Variants in RGS7 observed in about 807,000 individuals in gnomAD.
RGS7 encodes the protein regulator of G protein signaling 7.
Under a neutral mutation model 81.1 loss-of-function variants are expected in RGS7, and 27 were observed. That is an observed-to-expected ratio of 0.33 (90% CI 0.25 to 0.46). The LOEUF (loss-of-function observed/expected upper bound fraction) is 0.46, where lower values mean the gene tolerates loss of function less well. Among genes scored for constraint, RGS7 ranks in the 20% least tolerant of loss-of-function variants. RGS7 has a pLI of 1.00. For missense variants in RGS7, 396 were observed against 607.4 expected (o/e 0.65, Z 3.66); for synonymous variants, 208 against 207.7 (o/e 1.00, Z -0.01).
intron 2 of RGS7, among the ~76,000 whole-genome samples, chr1:241,240,518 A>G (rs1270495369): frequency 2.6e-5 from 4 of 152,222 alleles, no homozygotes; most frequent in South Asian, 2.1e-4. Flanking sequence ...GTTAGATTAG[A>G]TCAAACTAGG....
intron 2 of RGS7, among the ~76,000 whole-genome samples, chr1:241,320,797 C>T (rs1167441533): frequency 1.3e-5 from 2 of 152,174 alleles, no homozygotes; most frequent in Non-Finnish European, 2.9e-5. Flanking sequence ...GAAGCATGCA[C>T]TTTCTGTAGC....
chr1:241,315,097 TCTTCTTCTTC>T (rs143366179), intron 2 of RGS7, among the ~76,000 whole-genome samples: 2 of 133,484 alleles, frequency 1.5e-5, no homozygotes, highest in Non-Finnish European at 3.1e-5. Context: ...TTTTTTTTTT[TCTTCTTCTTC>T]TTTTTTTTTT....
At chr1:241,171,340 A>G (rs1004442992) in intron 2 of RGS7, among the ~76,000 whole-genome samples, 1 of 152,222 alleles carries the variant, frequency 6.6e-6, no homozygotes, top group African/African-American at 2.4e-5. Flanking sequence ...ATTTCTCAGC[A>G]TAATTCCATA....
intron 2 of RGS7, among the ~76,000 whole-genome samples, chr1:241,158,924 C>A (rs1488103404): frequency 6.6e-6 from 1 of 151,804 alleles, no homozygotes; most frequent in East Asian, 1.9e-4. Context: ...AATTTTATTA[C>A]AAATCTACCC....
chr1:240,934,718 A>G (rs1676293180), intron 5 of RGS7, among the ~76,000 whole-genome samples: 1 of 152,024 alleles, frequency 6.6e-6, no homozygotes, highest in Non-Finnish European at 1.5e-5. Flanking sequence ...ATATCTGCCT[A>G]TCTATCTCAG....
rs181114205 is a variant in RGS7 at position 241,095,933 on chromosome 1, C to T, written c.175+2733G>A. ...TGTAAGTTTCCAAGTGATTCTGATA[C>T]TAATGGTCCATGGAAGTAATGAGGC... On this transcript the variant is annotated intron_variant, in intron 3 of 18. Transcript: ENST00000440928. Among the ~76,000 whole-genome samples the T allele has an allele frequency of 3.8e-3, 575 of 152,288 alleles. 2 individuals are homozygous for T. Among genetic ancestry groups the T allele is most frequent in the African/African-American group, 0.013 (531 of 41,558 alleles).
chr1:240,775,888 A>G lies in RGS7; in HGVS notation c.*332T>C, dbSNP rs532654594. ...GAGAGAGAGAGAGAGAGAAAGAAGG[A>G]AAAAAAGAAAAGGTTTTACTTCACT... On this transcript the variant is annotated 3_prime_UTR_variant, in exon 19 of 19. Coordinates refer to ENST00000440928, the MANE Select transcript of RGS7 (RefSeq NM_001364886.1). 7 of 405,608 alleles carry G rather than the reference A, an allele frequency of 1.7e-5. No individual in the cohort carries two copies. The highest frequency in any genetic ancestry group is 1.4e-4 in the African/African-American group (7 of 50,068). 25.1% of individuals were successfully genotyped at this position (405,608 alleles called of 1,614,324 possible).
At chr1:240,791,114 CT>C (rs972064565) in intron 18 of RGS7, among the ~76,000 whole-genome samples, 37 of 152,224 alleles carry the variant, frequency 2.4e-4, no homozygotes, top group African/African-American at 4.8e-4. Context: ...TGATGATGAA[CT>C]TTTTTTCCCC....
intron 2 of RGS7, among the ~76,000 whole-genome samples, chr1:241,216,624 C>T (rs11811033): frequency 0.073 from 11,114 of 152,264 alleles, 569 homozygotes; most frequent in South Asian, 0.13. Context: ...CTATCCCAAC[C>T]CTTTTTTCTG....
At chr1:241,141,121 G>A (rs1054556346) in intron 2 of RGS7, among the ~76,000 whole-genome samples, 7 of 152,146 alleles carry the variant, frequency 4.6e-5, no homozygotes, top group African/African-American at 1.7e-4. Context: ...TGTCCATACA[G>A]GCGTTTTTTA....
intron 2 of RGS7, among the ~76,000 whole-genome samples, chr1:241,328,210 T>G (rs2081735320): frequency 6.6e-6 from 1 of 152,230 alleles, no homozygotes; most frequent in South Asian, 2.1e-4. Flanking sequence ...CACATTTTTT[T>G]GATATGTGGT....
chr1:241,330,714 A>G (rs1334564053), intron 2 of RGS7, among the ~76,000 whole-genome samples: 1 of 152,242 alleles, frequency 6.6e-6, no homozygotes, highest in Non-Finnish European at 1.5e-5. Flanking sequence ...ATCTAAAGGC[A>G]TATATTCTTC....
At chr1:240,891,123 G>T (rs910942883) in intron 6 of RGS7, among the ~76,000 whole-genome samples, 2 of 152,124 alleles carry the variant, frequency 1.3e-5, no homozygotes, top group Non-Finnish European at 2.9e-5. Context: ...TCTTAGTTGA[G>T]TAACAAGTAA....
chr1:241,304,681 G>C (rs953022665), intron 2 of RGS7, among the ~76,000 whole-genome samples: 1 of 152,144 alleles, frequency 6.6e-6, no homozygotes, highest in African/African-American at 2.4e-5. Context: ...TGCTAAATAG[G>C]CAGTTAGTTT....
At chr1:241,295,637 G>T (rs145561653) in intron 2 of RGS7, among the ~76,000 whole-genome samples, 3 of 152,264 alleles carry the variant, frequency 2.0e-5, no homozygotes, top group African/African-American at 7.2e-5. Flanking sequence ...GGCCTTGAAT[G>T]CCATGTTTAG....
chr1:240,810,609 GTTAATT>G (rs1275274880), intron 14 of RGS7, among the ~76,000 whole-genome samples: 2 of 151,936 alleles, frequency 1.3e-5, no homozygotes, highest in African/African-American at 2.4e-5. Context: ...ACCATGCCCG[GTTAATT>G]TTAATTTTAA....
intron 3 of RGS7, among the ~76,000 whole-genome samples, chr1:241,005,708 G>C (rs940941267): frequency 6.6e-6 from 1 of 151,908 alleles, no homozygotes; most frequent in Non-Finnish European, 1.5e-5. Context: ...CTAATTTTTT[G>C]TATTTTTAGT....
At position 240,969,491 on chromosome 1, in the gene RGS7, G is replaced by A. The variant is rs547834316; in HGVS notation, c.226+13588C>T. Reference sequence around the variant, plus strand: ...TGTGTAATTAAACACATCTCCAAATGTCCATTGAACCCTGGCCTCATTATG... The same window carrying A: ...TGTGTAATTAAACACATCTCCAAATATCCATTGAACCCTGGCCTCATTATG... On this transcript the variant is annotated intron_variant, in intron 4 of 18. Coordinates refer to ENST00000440928, the MANE Select transcript of RGS7 (RefSeq NM_001364886.1). 7.2e-5 allele frequency among the ~76,000 whole-genome samples: 11 copies of A among 152,300 alleles called. No individual in the cohort carries two copies. The South Asian group carries it at 2.3e-3, about 32-fold the overall frequency.
intron 2 of RGS7, among the ~76,000 whole-genome samples, chr1:241,250,374 T>C (rs2686218): frequency 0.69 from 104,643 of 151,994 alleles, 36,044 homozygotes; most frequent in African/African-American, 0.7. Flanking sequence ...CGATTCTTCA[T>C]TTATACTATT....
Sources: gnomAD v4.1 joint callset for allele counts (sites outside exome capture counted in the v4.1 genomes callset) on GRCh38, gnomAD v4.1.1 for gene constraint, MANE v1.5 for transcripts, NCBI Gene and HGNC (gene_info 2026-07-23, HGNC 2026-07-21) for gene names.